PLEKHD1: variants seen among roughly 807,000 people sequenced by gnomAD.
The protein encoded by PLEKHD1 is pleckstrin homology domain-containing family D member 1.
PLEKHD1 carries 51 observed loss-of-function variants against 69.2 expected under a neutral mutation model. That is an observed-to-expected ratio of 0.74 (90% CI 0.59 to 0.93). The LOEUF (loss-of-function observed/expected upper bound fraction) is 0.93, where lower values mean the gene tolerates loss of function less well. PLEKHD1 is among the 40% of genes least tolerant of loss of function. The pLI, the probability that PLEKHD1 is intolerant of heterozygous loss-of-function variation, is 0.00. For missense variants in PLEKHD1, 584 were observed against 641.0 expected (o/e 0.91, Z 0.96); for synonymous variants, 236 against 244.7 (o/e 0.96, Z 0.33).
chr14:69,528,005 G>T, intron 12 of PLEKHD1, 73 bp downstream of exon 12: 2 of 1,544,270 alleles, frequency 1.3e-6, no homozygotes, highest in South Asian at 1.2e-5. Flanking sequence ...GGAGCCAGAA[G>T]GGTTGGCCCA....
chr14:69,504,513 T>C (rs183015653), intron 6 of PLEKHD1, among the ~76,000 whole-genome samples: 81 of 150,018 alleles, frequency 5.4e-4, no homozygotes, highest in African/African-American at 1.8e-3. Context: ...GCACAGCTCC[T>C]GGCCCAAGAC....
chr14:69,516,716 C>T lies in PLEKHD1; in HGVS notation c.556-5567C>T, dbSNP rs541346273. On this transcript the variant is annotated intron_variant, in intron 6 of 12. Coordinates refer to ENST00000322564, the MANE Select transcript of PLEKHD1 (RefSeq NM_001161498.2). Reference sequence around the variant, plus strand: ...AGGGTGTCTCCCTCTATCACCCAGGCTGGAGTGCAATGACACGATCTCAGC... The same window carrying T: ...AGGGTGTCTCCCTCTATCACCCAGGTTGGAGTGCAATGACACGATCTCAGC... Among the ~76,000 whole-genome samples the T allele has an allele frequency of 2.0e-5, 3 of 152,200 alleles. No homozygotes were observed. In the East Asian group the frequency reaches 5.8e-4, roughly 29 times the overall value.
chr14:69,491,090 G>C (rs1882768345), intron 1 of PLEKHD1, among the ~76,000 whole-genome samples: 1 of 152,144 alleles, frequency 6.6e-6, no homozygotes, highest in South Asian at 2.1e-4. Context: ...CTGTACCAAG[G>C]TTTCTGTTAA....
intron 2 of PLEKHD1, 130 bp from the exon 3 acceptor site, chr14:69,500,447 C>A: frequency 1.3e-6 from 1 of 761,724 alleles, no homozygotes; most frequent in Non-Finnish European, 2.1e-6. Context: ...TGGCCTCTGT[C>A]CCATGGCCCC....
At chr14:69,502,292 C>T (rs548068766) in intron 5 of PLEKHD1, 26 of 189,464 alleles carry the variant, frequency 1.4e-4, no homozygotes, top group Non-Finnish European at 2.8e-4. Context: ...CCCCAGTACC[C>T]TTGCCCCAGG....
chr14:69,512,789 C>T (rs1417809235), intron 6 of PLEKHD1, among the ~76,000 whole-genome samples: 1 of 151,440 alleles, frequency 6.6e-6, no homozygotes, highest in Non-Finnish European at 1.5e-5. Context: ...GGTCTGGGCA[C>T]AGTGATGCAT....
At position 69,526,694 on chromosome 14, in the gene PLEKHD1, C is replaced by T; in HGVS notation, c.924-3C>T. The T allele has an allele frequency of 6.6e-7, 1 of 1,516,968 alleles. No individual in the cohort carries two copies. Among genetic ancestry groups the T allele is most frequent in the Non-Finnish European group, 8.9e-7 (1 of 1,129,692 alleles). 94.0% of individuals were successfully genotyped at this position (1,516,968 alleles called of 1,614,324 possible). A position where few individuals can be genotyped will look rare whatever the true frequency, so the allele number is the denominator to read the frequency against. On this transcript the variant is annotated splice_polypyrimidine_tract_variant and splice_region_variant and intron_variant, in intron 9 of 12. Transcript: ENST00000322564. Reference sequence around the variant, plus strand: ...TGAGAAAGTGCCTCTTCTGTCCCTACAGGATGAAGGAGAACGAGGAGCGCT... The same window carrying T: ...TGAGAAAGTGCCTCTTCTGTCCCTATAGGATGAAGGAGAACGAGGAGCGCT...
At chr14:69,487,248 CAG>C (rs1388721428) in intron 1 of PLEKHD1, among the ~76,000 whole-genome samples, 4 of 151,404 alleles carry the variant, frequency 2.6e-5, no homozygotes, top group African/African-American at 9.7e-5. Context: ...GGGTCAGTGA[CAG>C]AGCCAGCCAG....
At chr14:69,498,500 G>C (rs1405315334) in intron 1 of PLEKHD1, among the ~76,000 whole-genome samples, 1 of 152,224 alleles carries the variant, frequency 6.6e-6, no homozygotes, top group African/African-American at 2.4e-5. Flanking sequence ...CCGCATAGCA[G>C]CTGTGGCCTT....
intron 2 of PLEKHD1, 73 bp from the exon 3 acceptor site, chr14:69,500,504 C>T (rs1015001643): frequency 2.3e-6 from 3 of 1,306,060 alleles, no homozygotes; most frequent in African/African-American, 1.5e-5. Context: ...CTGGCTTTGT[C>T]CAGGGGCCCC....
At chr14:69,482,757 C>T (rs574194854), upstream of PLEKHD1, among the ~76,000 whole-genome samples, 1 of 152,168 alleles carries the variant, frequency 6.6e-6, no homozygotes, top group South Asian at 2.1e-4. Flanking sequence ...AGGCTCCTAA[C>T]ACAAGTTTTC....
chr14:69,478,994 C>T, the PLEKHD1 span, among the ~76,000 whole-genome samples: 2 of 152,134 alleles, frequency 1.3e-5, no homozygotes, highest in Non-Finnish European at 2.9e-5. Flanking sequence ...TTTTACGTCG[C>T]TGATAAAGAC....
intron 6 of PLEKHD1, among the ~76,000 whole-genome samples, chr14:69,514,223 T>C (rs1308556347): frequency 3.9e-5 from 6 of 152,088 alleles, no homozygotes; most frequent in African/African-American, 1.4e-4. Flanking sequence ...TTTGCAGTTG[T>C]CGCACAGTTC....
At chr14:69,527,998 G>A in intron 12 of PLEKHD1, 66 bp downstream of exon 12, 1 of 1,546,228 alleles carries the variant, frequency 6.5e-7, no homozygotes, top group South Asian at 1.2e-5. Flanking sequence ...AACATGGGGA[G>A]CCAGAAGGGT....
intron 6 of PLEKHD1, among the ~76,000 whole-genome samples, chr14:69,504,523 C>A (rs547524873): frequency 6.6e-6 from 1 of 151,338 alleles, no homozygotes; most frequent in South Asian, 2.1e-4. Flanking sequence ...TGGCCCAAGA[C>A]GAGTTCTTGG....
chr14:69,508,205 G>A (rs1341577941), intron 6 of PLEKHD1, among the ~76,000 whole-genome samples: 1 of 152,044 alleles, frequency 6.6e-6, no homozygotes, highest in African/African-American at 2.4e-5. Context: ...TGAGGAGTTC[G>A]AGACCAGCCT....
chr14:69,524,493 C>T (rs578117602), intron 8 of PLEKHD1, among the ~76,000 whole-genome samples, 171 bp downstream of exon 8: 43 of 152,200 alleles, frequency 2.8e-4, no homozygotes, highest in African/African-American at 1.0e-3. Flanking sequence ...AAACTCTGGC[C>T]GAGGCATGAG....
the PLEKHD1 span, among the ~76,000 whole-genome samples, chr14:69,472,957 C>T: frequency 6.6e-6 from 1 of 152,292 alleles, no homozygotes; most frequent in South Asian, 2.1e-4. Context: ...CTGTGAACTG[C>T]ACACACAGGG....
intron 1 of PLEKHD1, among the ~76,000 whole-genome samples, chr14:69,489,779 A>G (rs1882734820): frequency 6.6e-6 from 1 of 152,072 alleles, no homozygotes; most frequent in South Asian, 2.1e-4. Flanking sequence ...AGTCTACCAC[A>G]AGGGAATGGG....
Sources: allele counts gnomAD v4.1 joint callset (sites outside exome capture counted in the v4.1 genomes callset), GRCh38; gene constraint gnomAD v4.1.1; transcripts MANE v1.5; gene names NCBI Gene and HGNC (gene_info 2026-07-23, HGNC 2026-07-21).